Variants in GPC5 observed in about 807,000 individuals in gnomAD.
GPC5 encodes the protein glypican-5.
GPC5 carries 47 observed loss-of-function variants against 53.9 expected under a neutral mutation model. The ratio of observed to expected loss-of-function variants is 0.87; its 90% CI spans 0.69 to 1.11. The LOEUF is 1.11. Ranked by LOEUF, GPC5 falls within the 50% of genes most tolerant of loss-of-function variation. The probability of loss-of-function intolerance (pLI) is 0.00; values close to 1 mark genes in which losing one functional copy is unlikely to be tolerated. For synonymous variants in GPC5, 286 were observed against 263.3 expected (o/e 1.09, Z -0.84); for missense variants, 748 against 713.1 (o/e 1.05, Z -0.56).
At chr13:91,786,448 G>C (rs2037880350) in intron 5 of GPC5, among the ~76,000 whole-genome samples, 1 of 152,012 alleles carries the variant, frequency 6.6e-6, no homozygotes, top group Non-Finnish European at 1.5e-5. Context: ...ACATCTTTTT[G>C]ACAGAGTGCC....
At chr13:92,580,520 G>A (rs1292977612) in intron 7 of GPC5, among the ~76,000 whole-genome samples, 1 of 152,036 alleles carries the variant, frequency 6.6e-6, no homozygotes, top group African/African-American at 2.4e-5. Context: ...AACACCTGAG[G>A]CTGAGTAATT....
intron 2 of GPC5, among the ~76,000 whole-genome samples, chr13:91,614,552 G>A (rs2033644525): frequency 6.6e-6 from 1 of 152,070 alleles, no homozygotes; most frequent in Non-Finnish European, 1.5e-5. Flanking sequence ...GGCTGGTCTT[G>A]AGCTCCTAGA....
intron 2 of GPC5, among the ~76,000 whole-genome samples, chr13:91,468,482 G>A (rs917723111): frequency 1.1e-4 from 16 of 152,238 alleles, no homozygotes; most frequent in Middle Eastern, 3.4e-3. Flanking sequence ...GAATTTGAAC[G>A]TAGAGAAATA....
At chr13:92,791,279 C>G (rs185050730) in intron 7 of GPC5, among the ~76,000 whole-genome samples, 3 of 152,092 alleles carry the variant, frequency 2.0e-5, no homozygotes, top group East Asian at 1.9e-4. Context: ...TTTTCACTAA[C>G]TAAAAATTTA....
At chr13:92,431,392 T>TTTTC (rs1877076382) in intron 7 of GPC5, among the ~76,000 whole-genome samples, 1 of 147,110 alleles carries the variant, frequency 6.8e-6, no homozygotes, top group South Asian at 2.1e-4. Flanking sequence ...AGACACAGCT[T>TTTTC]TTTTTTTTTT....
intron 7 of GPC5, among the ~76,000 whole-genome samples, chr13:92,351,552 A>G (rs35730846): frequency 0.01 from 1,529 of 152,022 alleles, 27 homozygotes; most frequent in Middle Eastern, 0.048. Flanking sequence ...TGTAATTGAG[A>G]AAAAAAAGTT....
chr13:92,385,488 A>ATACATACG (rs1308122777), intron 7 of GPC5, among the ~76,000 whole-genome samples: 1 of 58,942 alleles, frequency 1.7e-5, no homozygotes, highest in South Asian at 5.7e-4. Flanking sequence ...ACATATATAC[A>ATACATACG]CATATATACA....
intron 7 of GPC5, among the ~76,000 whole-genome samples, chr13:92,801,482 T>C (rs1226184456): frequency 6.6e-6 from 1 of 151,828 alleles, no homozygotes; most frequent in African/African-American, 2.4e-5. Context: ...TAATAATAAA[T>C]GACTATATTA....
intron 7 of GPC5, among the ~76,000 whole-genome samples, chr13:92,587,642 T>A (rs1883580477): frequency 6.6e-6 from 1 of 152,208 alleles, no homozygotes; most frequent in Non-Finnish European, 1.5e-5. Context: ...AATAAAAATT[T>A]AATGTTTAAA....
At chr13:92,480,073 G>A (rs1353602787) in intron 7 of GPC5, among the ~76,000 whole-genome samples, 1 of 152,084 alleles carries the variant, frequency 6.6e-6, no homozygotes, top group Non-Finnish European at 1.5e-5. Flanking sequence ...GATCACTTGA[G>A]GCCAGGAGTT....
At chr13:91,964,359 G>A (rs565918078) in intron 6 of GPC5, among the ~76,000 whole-genome samples, 1 of 152,274 alleles carries the variant, frequency 6.6e-6, no homozygotes, top group Admixed American at 6.5e-5. Context: ...CCCACATCCT[G>A]CTGATTGGTC....
chr13:92,546,500 G>A (rs1055796464), intron 7 of GPC5, among the ~76,000 whole-genome samples: 3 of 152,080 alleles, frequency 2.0e-5, no homozygotes, highest in Non-Finnish European at 4.4e-5. Flanking sequence ...ACAGACTACT[G>A]CTCAATGAAA....
At chr13:91,827,020 A>G (rs191698409) in intron 5 of GPC5, among the ~76,000 whole-genome samples, 4 of 152,112 alleles carry the variant, frequency 2.6e-5, no homozygotes, top group Admixed American at 2.0e-4. Context: ...GTTTGGTAGC[A>G]TAATAGGGTG....
At chr13:91,399,451 C>T (rs1040186672) in intron 1 of GPC5, among the ~76,000 whole-genome samples, 1 of 152,160 alleles carries the variant, frequency 6.6e-6, no homozygotes, top group East Asian at 1.9e-4. Flanking sequence ...GCTTCCCGCC[C>T]GGCTCCCTTC....
intron 6 of GPC5, among the ~76,000 whole-genome samples, chr13:92,091,603 C>A (rs1310140724): frequency 1.3e-5 from 2 of 152,014 alleles, no homozygotes; most frequent in Non-Finnish European, 1.5e-5. Flanking sequence ...AGTAGAGTAA[C>A]ATAGTACAAA....
intron 6 of GPC5, among the ~76,000 whole-genome samples, chr13:92,116,201 A>T (rs1180939284): frequency 6.6e-6 from 1 of 152,176 alleles, no homozygotes; most frequent in African/African-American, 2.4e-5. Context: ...GTGAGCCATG[A>T]TTGTACCACT....
chr13:91,603,784 T>A (rs2033259460), intron 2 of GPC5, among the ~76,000 whole-genome samples: 1 of 152,172 alleles, frequency 6.6e-6, no homozygotes, highest in Non-Finnish European at 1.5e-5. Context: ...TCTCTTTCTA[T>A]CTGGATATAG....
intron 6 of GPC5, among the ~76,000 whole-genome samples, chr13:92,028,586 T>G (rs917490603): frequency 6.6e-6 from 1 of 152,216 alleles, no homozygotes; most frequent in Non-Finnish European, 1.5e-5. Context: ...ATCATGTGCT[T>G]TATTTGGCTT....
intron 3 of GPC5, among the ~76,000 whole-genome samples, chr13:91,718,205 G>A (rs1566633992): frequency 1.3e-5 from 2 of 151,884 alleles, no homozygotes; most frequent in Non-Finnish European, 2.9e-5. Context: ...CCGCTTCCCC[G>A]GTTCATGCCA....
Sources: gnomAD v4.1 joint callset for allele counts (sites outside exome capture counted in the v4.1 genomes callset) on GRCh38, gnomAD v4.1.1 for gene constraint, MANE v1.5 for transcripts, NCBI Gene and HGNC (gene_info 2026-07-23, HGNC 2026-07-21) for gene names.